CBLB: variants seen among roughly 807,000 people sequenced by gnomAD.
The protein encoded by CBLB is E3 ubiquitin-protein ligase CBL-B.
In CBLB, 31 loss-of-function variants were observed where a neutral mutation model predicts 104.9. The observed-to-expected ratio is 0.30, with a 90% CI of 0.22 to 0.40. The LOEUF (loss-of-function observed/expected upper bound fraction) is 0.40, where lower values mean the gene tolerates loss of function less well. Among genes scored for constraint, CBLB ranks in the 10% least tolerant of loss-of-function variants. The pLI is 1.00. For synonymous variants in CBLB, 440 were observed against 422.6 expected (o/e 1.04, Z -0.51); for missense variants, 1,062 against 1,214.6 (o/e 0.87, Z 1.87).
intron 10 of CBLB, among the ~76,000 whole-genome samples, chr3:105,704,533 T>C (rs767847379): frequency 6.6e-6 from 1 of 152,192 alleles, no homozygotes; most frequent in South Asian, 2.1e-4. Context: ...CTTGGATCTC[T>C]ATATTATAAA....
intron 18 of CBLB, among the ~76,000 whole-genome samples, chr3:105,661,872 A>T (rs1472751707): frequency 6.6e-6 from 1 of 152,196 alleles, no homozygotes; most frequent in African/African-American, 2.4e-5. Context: ...CAGTATATGG[A>T]CTGAGGAGAC....
chr3:105,789,991 C>T (rs1266770404), intron 3 of CBLB, among the ~76,000 whole-genome samples: 1 of 152,076 alleles, frequency 6.6e-6, no homozygotes, highest in Non-Finnish European at 1.5e-5. Flanking sequence ...ATCACTGTAC[C>T]TGTCTACCTG....
chr3:105,728,707 C>A (rs933092588), intron 9 of CBLB, among the ~76,000 whole-genome samples: 3 of 152,106 alleles, frequency 2.0e-5, no homozygotes, highest in African/African-American at 7.2e-5. Flanking sequence ...AAGAATGTCT[C>A]TAGAAAGGTG....
intron 17 of CBLB, among the ~76,000 whole-genome samples, chr3:105,675,657 G>C (rs2065531891): frequency 6.6e-6 from 1 of 152,044 alleles, no homozygotes; most frequent in African/African-American, 2.4e-5. Flanking sequence ...GTTGAAGCAG[G>C]GGGATCACAT....
intron 2 of CBLB, among the ~76,000 whole-genome samples, chr3:105,854,569 G>GA (rs2091356467): frequency 2.0e-5 from 3 of 151,276 alleles, no homozygotes; most frequent in Non-Finnish European, 2.9e-5. Context: ...AAGATACATG[G>GA]CTCTCTTCTA....
intron 3 of CBLB, among the ~76,000 whole-genome samples, chr3:105,792,995 C>T (rs1240146723): frequency 6.6e-6 from 1 of 151,792 alleles, no homozygotes; most frequent in Non-Finnish European, 1.5e-5. Context: ...ATTTTTCCTC[C>T]TCTTATGTAT....
rs1397392441 is a variant in CBLB, at chr3:105,776,552, C to T, written c.420-10G>A. On this transcript the variant is annotated splice_polypyrimidine_tract_variant and intron_variant, in intron 3 of 18. Coordinates refer to ENST00000394030, the MANE Select transcript of CBLB (RefSeq NM_170662.5). Reference sequence around the variant, plus strand: ...TTTTGTGAGATTTCGTCTGTAGGCACAAGGGAAAAAAATGAAGATAAGAAA... The same window carrying T: ...TTTTGTGAGATTTCGTCTGTAGGCATAAGGGAAAAAAATGAAGATAAGAAA... 6.2e-7 allele frequency: 1 copy of T among 1,612,254 alleles called. No homozygotes were observed. Among genetic ancestry groups the T allele is most frequent in the Admixed American group, 1.7e-5 (1 of 59,894 alleles).
intron 9 of CBLB, among the ~76,000 whole-genome samples, chr3:105,726,880 A>G (rs982365705): frequency 1.3e-5 from 2 of 152,114 alleles, no homozygotes; most frequent in African/African-American, 4.8e-5. Context: ...AAGGACATGA[A>G]CTCATCCTTT....
chr3:105,860,678 T>A (rs572643640), intron 2 of CBLB, among the ~76,000 whole-genome samples: 103 of 152,302 alleles, frequency 6.8e-4, no homozygotes, highest in African/African-American at 2.4e-3. Context: ...TTACATTCCA[T>A]CACAAGGCAA....
At chr3:105,737,312 T>A in intron 7 of CBLB, 54 bp from the exon 8 acceptor site, 1 of 864,036 alleles carries the variant, frequency 1.2e-6, no homozygotes, top group Non-Finnish European at 1.9e-6. Context: ...TAATTGCATT[T>A]AAGGATATTT....
At chr3:105,817,730 A>C (rs2085268129) in intron 3 of CBLB, among the ~76,000 whole-genome samples, 1 of 152,178 alleles carries the variant, frequency 6.6e-6, no homozygotes, top group South Asian at 2.1e-4. Flanking sequence ...ACAGTTGTGT[A>C]TGCCACTAGT....
At chr3:105,805,302 ATTTTT>A (rs1221623767) in intron 3 of CBLB, among the ~76,000 whole-genome samples, 177 of 138,640 alleles carry the variant, frequency 1.3e-3, no homozygotes, top group African/African-American at 4.6e-3. Flanking sequence ...ATGGCCCCCA[ATTTTT>A]TTTTTTTTTT....
Position 105,738,568 on chromosome 3 carries a change from T to C in CBLB, c.984-1310A>G, listed in dbSNP as rs142108085. 1.5e-3 allele frequency among the ~76,000 whole-genome samples: 232 copies of C among 152,102 alleles called. 3 individuals are homozygous for C. In the East Asian group the frequency reaches 0.016, roughly 11 times the overall value. ...TTTATGTATCACATTTCAAATAATATGAAGAAATTCTAGCAAGAATTCAGA... is the reference window on the plus strand; with the variant it reads ...TTTATGTATCACATTTCAAATAATACGAAGAAATTCTAGCAAGAATTCAGA... On this transcript the variant is annotated intron_variant, in intron 7 of 18. Transcript: ENST00000394030.
intron 3 of CBLB, among the ~76,000 whole-genome samples, chr3:105,818,560 C>A (rs7619706): frequency 0.9 from 137,063 of 152,154 alleles, 62,163 homozygotes; most frequent in Non-Finnish European, 0.96. Flanking sequence ...ACTTAATTTA[C>A]GTTAAAAACT....
chr3:105,832,501 T>A (rs1190288169), intron 3 of CBLB, among the ~76,000 whole-genome samples: 1 of 152,208 alleles, frequency 6.6e-6, no homozygotes, highest in African/African-American at 2.4e-5. Flanking sequence ...ACCCTTTTCA[T>A]CCTTTTTAAA....
At chr3:105,826,584 T>G (rs183129941) in intron 3 of CBLB, among the ~76,000 whole-genome samples, 6 of 152,318 alleles carry the variant, frequency 3.9e-5, no homozygotes, top group Admixed American at 3.3e-4. Context: ...TGCCCCCAAC[T>G]TCCATTCACC....
chr3:105,718,971 A>T (rs1316570319), intron 10 of CBLB, among the ~76,000 whole-genome samples: 2 of 152,216 alleles, frequency 1.3e-5, no homozygotes, highest in African/African-American at 4.8e-5. Flanking sequence ...TTCATTGACT[A>T]GTCTGTTGTG....
In CBLB at chr3:105,702,269, G is replaced by A; in HGVS notation, c.1784C>T (p.Pro595Leu). The A allele has an allele frequency of 1.2e-6, 2 of 1,613,956 alleles. No homozygotes were observed. Among genetic ancestry groups the A allele is most frequent in the Non-Finnish European group, 1.7e-6 (2 of 1,179,972 alleles). The change falls in exon 12 of 19, where the codon CCT (proline) becomes CTT (leucine). Residue 595 changes from proline (P) to leucine (L), a missense_variant. This residue lies in a region of CBLB where 605 missense variants were observed against 582.6 expected (regional missense o/e 1.04). Transcript: ENST00000394030. Reference sequence around the variant, plus strand: ...CTGATTAGTCCCAAACACATCCCGAGGGCACCATGCTTCAAGAGGCATTGG... The same window carrying A: ...CTGATTAGTCCCAAACACATCCCGAAGGCACCATGCTTCAAGAGGCATTGG... ...DPPMPLEAWC[P>L]RDVFGTNQLV...
chr3:105,846,976 T>C (rs926295021), intron 3 of CBLB, among the ~76,000 whole-genome samples: 4 of 152,104 alleles, frequency 2.6e-5, no homozygotes, highest in African/African-American at 9.7e-5. Flanking sequence ...TTAATACTAC[T>C]GTATTCTTTA....
Sources: gnomAD v4.1 joint callset for allele counts (sites outside exome capture counted in the v4.1 genomes callset) on GRCh38, gnomAD v4.1.1 for gene constraint, gnomAD v4.1.1 regional missense constraint, MANE v1.5 for transcripts, NCBI Gene and HGNC (gene_info 2026-07-23, HGNC 2026-07-21) for gene names.